The following LINGO2 variants were observed in gnomAD, a reference collection of about 807,000 sequenced individuals.
LINGO2 encodes the protein leucine-rich repeat and immunoglobulin-like domain-containing nogo receptor-interacting protein 2.
LINGO2 carries 14 observed loss-of-function variants against 30.6 expected under a neutral mutation model. That is an observed-to-expected ratio of 0.46 (90% CI 0.30 to 0.72). The LOEUF is 0.72. LINGO2 is among the 30% of genes least tolerant of loss of function. LINGO2 has a pLI of 0.07. For synonymous variants in LINGO2, 317 were observed against 288.5 expected (o/e 1.10, Z -1.00); for missense variants, 729 against 751.7 (o/e 0.97, Z 0.35).
At chr9:28,908,201 G>T in the LINGO2 span, among the ~76,000 whole-genome samples, 1 of 151,228 alleles carries the variant, frequency 6.6e-6, no homozygotes, top group Non-Finnish European at 1.5e-5. Flanking sequence ...AGGTTGCACT[G>T]CTGTGATAGT....
chr9:28,820,062 T>C, the LINGO2 span, among the ~76,000 whole-genome samples: 62,230 of 151,976 alleles, frequency 0.41, 13,704 homozygotes, highest in Middle Eastern at 0.54. Flanking sequence ...AGGGACCATG[T>C]TGATGTTAAT....
the LINGO2 span, among the ~76,000 whole-genome samples, chr9:28,832,978 TA>T: frequency 0.94 from 142,650 of 151,310 alleles, 67,791 homozygotes; most frequent in East Asian, 1. Flanking sequence ...TTTTTTGATG[TA>T]AAAAAAAAAA....
the LINGO2 span, among the ~76,000 whole-genome samples, chr9:28,767,785 C>T: frequency 1.0e-5 from 1 of 97,104 alleles, no homozygotes; most frequent in Non-Finnish European, 2.0e-5. Flanking sequence ...GACTCCATTT[C>T]AAAAAAAAAA....
intron 5 of LINGO2, among the ~76,000 whole-genome samples, chr9:28,004,765 G>C (rs980642713): frequency 6.6e-6 from 1 of 152,182 alleles, no homozygotes; most frequent in African/African-American, 2.4e-5. Flanking sequence ...TGATGTAGCA[G>C]AATGAGAAAG....
intron 2 of LINGO2, among the ~76,000 whole-genome samples, chr9:28,387,525 G>C (rs2134667721): frequency 6.6e-6 from 1 of 152,294 alleles, no homozygotes; most frequent in African/African-American, 2.4e-5. Context: ...TTCTTTTGCT[G>C]TTTGCAATAA....
chr9:28,475,784 G>T (rs1405210535), intron 2 of LINGO2, 156 bp downstream of exon 4: 3 of 152,320 alleles, frequency 2.0e-5, no homozygotes, highest in African/African-American at 7.2e-5. Flanking sequence ...GTTTCCCATA[G>T]AATACTACCT....
At chr9:29,108,514 C>A in the LINGO2 span, among the ~76,000 whole-genome samples, 7 of 152,064 alleles carry the variant, frequency 4.6e-5, no homozygotes, top group African/African-American at 1.2e-4. Context: ...CAGCAAGGAG[C>A]AAAGATGCTA....
At chr9:28,589,128 T>C (rs959261587) in intron 1 of LINGO2, among the ~76,000 whole-genome samples, 2 of 152,038 alleles carry the variant, frequency 1.3e-5, no homozygotes, top group Non-Finnish European at 2.9e-5. Context: ...TCTCAATAAA[T>C]TAGGTATTGA....
the LINGO2 span, among the ~76,000 whole-genome samples, chr9:28,907,386 T>C: frequency 6.6e-6 from 1 of 151,872 alleles, no homozygotes; most frequent in Non-Finnish European, 1.5e-5. Flanking sequence ...TAGAGTAGAA[T>C]AGAAAAGGGT....
the LINGO2 span, among the ~76,000 whole-genome samples, chr9:28,826,530 G>C: frequency 6.6e-6 from 1 of 152,098 alleles, no homozygotes; most frequent in African/African-American, 2.4e-5. Context: ...CCTCAGTCTT[G>C]TTAAATATGC....
In LINGO2 at chr9:28,510,357, T is replaced by C. The variant is rs986753881; in HGVS notation, c.-364-34332A>G. Among the ~76,000 whole-genome samples the C allele has an allele frequency of 1.5e-3, 156 of 104,768 alleles. 1 individual carries two copies. The highest frequency in any genetic ancestry group is 4.6e-3 in the African/African-American group (151 of 33,068). The allele number at this position is 104,768 out of a possible 152,430, so 68.7% of individuals were successfully genotyped here. ...CACATATTTTGTATGTTATATGTAT[T>C]ATAATATATTCTTATAATAAAGTAA... On this transcript the variant is annotated intron_variant, in intron 1 of 5. Coordinates refer to ENST00000379992, the Ensembl canonical transcript of LINGO2.
At chr9:28,139,222 A>G (rs2133484545) in intron 4 of LINGO2, among the ~76,000 whole-genome samples, 1 of 151,988 alleles carries the variant, frequency 6.6e-6, no homozygotes, top group East Asian at 1.9e-4. Flanking sequence ...AAAAGTCACC[A>G]GAGACATAAC....
chr9:28,290,998 G>C (rs1409011882), intron 4 of LINGO2, among the ~76,000 whole-genome samples: 3 of 152,112 alleles, frequency 2.0e-5, no homozygotes, highest in African/African-American at 7.2e-5. Flanking sequence ...TGCCTCTTGT[G>C]AGGAAAAACC....
intron 4 of LINGO2, among the ~76,000 whole-genome samples, chr9:28,181,406 C>T (rs1828906953): frequency 6.6e-6 from 1 of 152,134 alleles, no homozygotes; most frequent in Non-Finnish European, 1.5e-5. Context: ...AAGGCTCAGG[C>T]CAGTGGATCT....
the LINGO2 span, among the ~76,000 whole-genome samples, chr9:28,690,736 T>C: frequency 6.6e-6 from 1 of 152,150 alleles, no homozygotes; most frequent in Admixed American, 6.6e-5. Context: ...AGTCCTTTAA[T>C]CTATTGTTTC....
At chr9:29,158,409 A>G in the LINGO2 span, among the ~76,000 whole-genome samples, 1 of 151,478 alleles carries the variant, frequency 6.6e-6, no homozygotes, top group African/African-American at 2.5e-5. Context: ...CTATAACTTT[A>G]GTGATACTCA....
intron 4 of LINGO2, among the ~76,000 whole-genome samples, chr9:28,131,068 G>T (rs1433739860): frequency 6.6e-6 from 1 of 151,396 alleles, no homozygotes; most frequent in Non-Finnish European, 1.5e-5. Context: ...CATAATGAAG[G>T]TTTTTTAAAA....
chr9:28,708,888 G>C, the LINGO2 span, among the ~76,000 whole-genome samples: 1 of 151,964 alleles, frequency 6.6e-6, no homozygotes, highest in East Asian at 1.9e-4. Flanking sequence ...CCCTAGACCT[G>C]ATCTATAATA....
intron 1 of LINGO2, among the ~76,000 whole-genome samples, chr9:28,613,901 A>G (rs1265117784): frequency 6.6e-6 from 1 of 152,150 alleles, no homozygotes; most frequent in African/African-American, 2.4e-5. Flanking sequence ...AATTGACATT[A>G]AAAATGAATG....
Sources: gnomAD v4.1 joint callset for allele counts (sites outside exome capture counted in the v4.1 genomes callset) on GRCh38, gnomAD v4.1.1 for gene constraint, MANE v1.5 for transcripts, NCBI Gene and HGNC (gene_info 2026-07-23, HGNC 2026-07-21) for gene names.